SCN8A: variants seen among roughly 807,000 people sequenced by gnomAD.
The protein encoded by SCN8A is sodium voltage-gated channel alpha subunit 8.
A neutral mutation model predicts 184.1 loss-of-function variants in SCN8A; 30 were observed. That is an observed-to-expected ratio of 0.16 (90% CI 0.12 to 0.22). The LOEUF is 0.22. Among genes scored for constraint, SCN8A ranks in the 10% least tolerant of loss-of-function variants. The pLI, the probability that SCN8A is intolerant of heterozygous loss-of-function variation, is 1.00. For synonymous variants in SCN8A, 852 were observed against 907.0 expected, an observed-to-expected ratio of 0.94 and a Z score of 1.09; for missense variants, 1,057 against 2,498.9, an observed-to-expected ratio of 0.42 and a Z score of 12.30.
At chr12:51,788,440 T>C in intron 22 of SCN8A, 1 of 271,372 alleles carries the variant, frequency 3.7e-6, no homozygotes, top group Non-Finnish European at 6.8e-6. Context: ...GCCCATGTTT[T>C]TGAGTCCTTT....
chr12:51,667,398 A>C (rs1265421288), intron 2 of SCN8A, among the ~76,000 whole-genome samples: 2 of 151,654 alleles, frequency 1.3e-5, no homozygotes, highest in Admixed American at 6.6e-5. Context: ...GACAGAGTCT[A>C]ACTCCAAGTT....
intron 2 of SCN8A, among the ~76,000 whole-genome samples, chr12:51,674,045 TTTAA>T (rs1194258933): frequency 6.6e-6 from 1 of 151,998 alleles, no homozygotes; most frequent in Non-Finnish European, 1.5e-5. Context: ...ATGACACAGG[TTTAA>T]TTGTTTAAAA....
At chr12:51,631,186 AT>A (rs1947977370) in intron 1 of SCN8A, among the ~76,000 whole-genome samples, 1 of 152,094 alleles carries the variant, frequency 6.6e-6, no homozygotes, top group African/African-American at 2.4e-5. Context: ...GGGAAGGCGT[AT>A]TTTTGGCTGG....
chr12:51,769,781 C>A, intron 17 of SCN8A, 87 bp from the exon 18 acceptor site: 1 of 865,328 alleles, frequency 1.2e-6, no homozygotes, highest in South Asian at 1.4e-5. Context: ...GAGCTGGCCC[C>A]TCATCCCCAC....
intron 25 of SCN8A, among the ~76,000 whole-genome samples, chr12:51,793,842 G>A (rs1001200711): frequency 8.2e-5 from 12 of 146,790 alleles, no homozygotes; most frequent in African/African-American, 7.6e-5. Context: ...AGTAAGACCC[G>A]TCTCTAAAAA....
chr12:51,692,922 C>T (rs1565888987), intron 6 of SCN8A, among the ~76,000 whole-genome samples: 1 of 152,224 alleles, frequency 6.6e-6, no homozygotes, highest in Non-Finnish European at 1.5e-5. Context: ...ATGGCTCCCC[C>T]AAAGCACTGC....
rs1430895515 is a variant in SCN8A, at chr12:51,788,759, A to G, written c.4281+11A>G. On this transcript the variant is annotated intron_variant, in intron 23 of 26. Coordinates refer to ENST00000627620, the MANE Select transcript of SCN8A (RefSeq NM_001330260.2). ...GTAGATTCCCGGAAGGTAAGGATGT[A>G]CATGGCGAAAATACCACCTTCTCAG... is the stretch of plus-strand genomic sequence containing the variant. 1 of 1,608,202 alleles carries G rather than the reference A, an allele frequency of 6.2e-7. No individual in the cohort carries two copies. The highest frequency in any genetic ancestry group is 1.7e-5 in the Admixed American group (1 of 59,760).
Position 51,811,356 on chromosome 12 carries a change from T to TAA in SCN8A, c.*3930_*3931dup, listed in dbSNP as rs1238941053. ...CTACTGGCCGGTGCTTAGAGGCCCATAAAACCTCTCTTCACCTAATCCACC... is the reference window on the plus strand; with the variant it reads ...CTACTGGCCGGTGCTTAGAGGCCCATAAAAAACCTCTCTTCACCTAATCCACC... On this transcript the variant is annotated 3_prime_UTR_variant, in exon 27 of 27. Coordinates refer to ENST00000627620, the MANE Select transcript of SCN8A (RefSeq NM_001330260.2). The TAA allele has an allele frequency of 5.9e-5, 9 of 152,064 alleles. No individual in the cohort carries two copies. Among genetic ancestry groups the TAA allele is most frequent in the African/African-American group, 2.2e-4 (9 of 41,372 alleles). The allele number at this position is 152,064 out of a possible 1,614,324, so 9.4% of individuals were successfully genotyped here. A position where few individuals can be genotyped will look rare whatever the true frequency, so the allele number is the denominator to read the frequency against.
rs910984782 is a variant in SCN8A, at chr12:51,811,926, A to G, written c.*4497A>G. ...TTTTCTCAGATGTTGCCCACAGTTT[A>G]GCAAAAAGCTTCGTTCATTTTCAGG... On this transcript the variant is annotated 3_prime_UTR_variant, in exon 27 of 27. Coordinates refer to ENST00000627620, the MANE Select transcript of SCN8A (RefSeq NM_001330260.2). The G allele has an allele frequency of 2.0e-5, 3 of 152,218 alleles. No homozygotes were observed. The highest frequency in any genetic ancestry group is 7.2e-5 in the African/African-American group (3 of 41,432). The allele number at this position is 152,218 out of a possible 1,614,324, so 9.4% of individuals were successfully genotyped here.
chr12:51,683,117 C>T (rs1209428093), intron 2 of SCN8A, among the ~76,000 whole-genome samples: 1 of 152,198 alleles, frequency 6.6e-6, no homozygotes, highest in Non-Finnish European at 1.5e-5. Flanking sequence ...GCCTCTCATA[C>T]ATTATGCATA....
rs1284074384 is a variant in SCN8A at position 51,721,900 on chromosome 12, C to G, written c.1990C>G (p.Leu664Val). The G allele has an allele frequency of 1.2e-6, 2 of 1,600,276 alleles. No individual in the cohort carries two copies. Among genetic ancestry groups the G allele is most frequent in the South Asian group, 2.2e-5 (2 of 91,090 alleles). ...CGGCTCCCACATCGGCGGGCGTCTC[C>G]TGCCAGAGGTGAAAATTGATAAGGC... ...GPGSHIGGRL[L>V]PEATTEVEIK... The change falls in exon 12 of 27, where the codon CTG becomes GTG. Residue 664 changes from leucine (L) to valine (V), a missense_variant. Leu to Val is a conservative substitution (Grantham distance 32, BLOSUM62 1). Transcript: ENST00000627620.
At chr12:51,645,345 C>T (rs887198548) in intron 1 of SCN8A, among the ~76,000 whole-genome samples, 155 of 151,454 alleles carry the variant, frequency 1.0e-3, no homozygotes, top group African/African-American at 3.4e-3. Context: ...GGGTTCAGCC[C>T]CCCGTCTGGC....
intron 1 of SCN8A, among the ~76,000 whole-genome samples, chr12:51,630,098 A>G (rs1055841025): frequency 6.6e-6 from 1 of 152,184 alleles, no homozygotes; most frequent in African/African-American, 2.4e-5. Flanking sequence ...ATTTTGAAAA[A>G]TTGTGGTAAA....
chr12:51,774,457 G>C, intron 20 of SCN8A, 95 bp downstream of exon 20: 5 of 1,182,540 alleles, frequency 4.2e-6, no homozygotes, highest in Non-Finnish European at 4.8e-6. Flanking sequence ...CCTGGGCCCA[G>C]GTTATAGATC....
chr12:51,735,742 C>CG (rs1459355069), intron 12 of SCN8A, among the ~76,000 whole-genome samples: 1 of 152,044 alleles, frequency 6.6e-6, no homozygotes, highest in Admixed American at 6.5e-5. Flanking sequence ...TGGCTGCAAC[C>CG]GGGGGGTCCT....
chr12:51,620,986 CAAAA>C (rs1939949446), intron 1 of SCN8A, among the ~76,000 whole-genome samples: 1 of 151,902 alleles, frequency 6.6e-6, no homozygotes, highest in Admixed American at 6.6e-5. Flanking sequence ...GACCCTGTCT[CAAAA>C]AAACGTGGGG....
chr12:51,781,066 T>C (rs563840180), intron 21 of SCN8A, among the ~76,000 whole-genome samples: 1 of 152,268 alleles, frequency 6.6e-6, no homozygotes, highest in African/African-American at 2.4e-5. Context: ...CTTTCTGGGC[T>C]GTTGATTTAA....
chr12:51,685,341 T>C (rs1170251320), intron 3 of SCN8A, among the ~76,000 whole-genome samples: 1 of 152,080 alleles, frequency 6.6e-6, no homozygotes, highest in Non-Finnish European at 1.5e-5. Context: ...ACTGGTAGAA[T>C]AAAGATAGTG....
chr12:51,600,833 A>T (rs887171477), intron 1 of SCN8A, among the ~76,000 whole-genome samples: 5 of 152,224 alleles, frequency 3.3e-5, no homozygotes, highest in African/African-American at 9.7e-5. Flanking sequence ...TGTTAAAATT[A>T]TATTTCTTCT....
Sources: allele counts gnomAD v4.1 joint callset (sites outside exome capture counted in the v4.1 genomes callset), GRCh38; gene constraint gnomAD v4.1.1; transcripts MANE v1.5; gene names NCBI Gene and HGNC (gene_info 2026-07-23, HGNC 2026-07-21).